Variants in FAM13A observed in about 807,000 individuals in gnomAD.
The protein encoded by FAM13A is family with sequence similarity 13 member A.
Under a neutral mutation model 129.6 loss-of-function variants are expected in FAM13A, and 76 were observed. That is an observed-to-expected ratio of 0.59 (90% CI 0.49 to 0.71). The LOEUF is 0.71. Among genes scored for constraint, FAM13A ranks in the 30% least tolerant of loss-of-function variants. The pLI, the probability that FAM13A is intolerant of heterozygous loss-of-function variation, is 0.00. For synonymous variants in FAM13A, 443 were observed against 449.9 expected, an observed-to-expected ratio of 0.98 and a Z score of 0.20; for missense variants, 1,108 against 1,249.3, an observed-to-expected ratio of 0.89 and a Z score of 1.70.
At chr4:88,961,233 A>T (rs915005513) in intron 4 of FAM13A, among the ~76,000 whole-genome samples, 3 of 152,072 alleles carry the variant, frequency 2.0e-5, no homozygotes, top group Non-Finnish European at 4.4e-5. Flanking sequence ...CAAAATACAC[A>T]TTTAAAAATA....
At chr4:88,945,992 A>ATGTATGTATGTG (rs200668381) in intron 4 of FAM13A, among the ~76,000 whole-genome samples, 1 of 11,234 alleles carries the variant, frequency 8.9e-5, no homozygotes, top group African/African-American at 2.1e-4. Context: ...GTGTGTGTGT[A>ATGTATGTATGTG]TATATATATA....
chr4:88,986,042 T>G (rs1164778506), intron 4 of FAM13A, among the ~76,000 whole-genome samples: 4 of 152,030 alleles, frequency 2.6e-5, no homozygotes, highest in Admixed American at 1.3e-4. Context: ...AATAAAAATG[T>G]TTTCCAAAGA....
rs554147407 is a variant in FAM13A at position 89,048,667 on chromosome 4, G to A, written c.27+8271C>T. Among the ~76,000 whole-genome samples the A allele has an allele frequency of 2.0e-4, 30 of 152,024 alleles. No homozygotes were observed. The East Asian group carries it at 3.1e-3, about 16-fold the overall frequency. ...TTCCCGTCAAAATAAGACTACTGTC[G>A]GTAGAAATAATATATTAATATTAAA... On this transcript the variant is annotated intron_variant, in intron 1 of 23. Coordinates refer to ENST00000264344, the MANE Select transcript of FAM13A (RefSeq NM_014883.4).
At chr4:88,940,206 A>G (rs1754524868) in intron 4 of FAM13A, among the ~76,000 whole-genome samples, 1 of 152,170 alleles carries the variant, frequency 6.6e-6, no homozygotes, top group African/African-American at 2.4e-5. Context: ...GGGCAGCATC[A>G]TAGAGAAGGC....
intron 4 of FAM13A, among the ~76,000 whole-genome samples, chr4:88,964,706 C>T (rs1759113676): frequency 6.7e-6 from 1 of 150,280 alleles, no homozygotes; most frequent in African/African-American, 2.5e-5. Flanking sequence ...TGGCTCACTG[C>T]AACGTCCACA....
chr4:89,055,490 T>C (rs775839314), intron 1 of FAM13A, among the ~76,000 whole-genome samples: 13 of 152,126 alleles, frequency 8.5e-5, no homozygotes, highest in Non-Finnish European at 1.8e-4. Flanking sequence ...TATACATGAG[T>C]CAGTGTGCAT....
At chr4:88,742,035 C>T (rs773578132) in intron 19 of FAM13A, among the ~76,000 whole-genome samples, 12 of 152,122 alleles carry the variant, frequency 7.9e-5, no homozygotes, top group African/African-American at 1.9e-4. Flanking sequence ...AATGTCAGCA[C>T]GTGACACATG....
intron 4 of FAM13A, among the ~76,000 whole-genome samples, chr4:88,955,988 A>G (rs2148895201): frequency 6.6e-6 from 1 of 152,334 alleles, no homozygotes; most frequent in Non-Finnish European, 1.5e-5. Context: ...AAGGAAAAAA[A>G]AATTTAAACA....
rs199936059 is a variant in FAM13A at position 88,945,990 on chromosome 4, GTATATA to G, written c.606-7755_606-7750del. Among the ~76,000 whole-genome samples the G allele has an allele frequency of 2.2e-3, 139 of 61,962 alleles. 2 individuals carry two copies. Among genetic ancestry groups the G allele is most frequent in the Middle Eastern group, 0.01 (1 of 100 alleles). 40.6% of individuals were successfully genotyped at this position (61,962 alleles called of 152,430 possible). On this transcript the variant is annotated intron_variant, in intron 4 of 23. Transcript: ENST00000264344. ...TGTGTGTGTGTGTGTGTGTGTGTGT[GTATATA>G]TATATATATATATATATATATATAT...
chr4:88,917,791 A>T (rs879238334), intron 5 of FAM13A, among the ~76,000 whole-genome samples: 1 of 152,148 alleles, frequency 6.6e-6, no homozygotes, highest in East Asian at 1.9e-4. Flanking sequence ...TTGGAGGAAG[A>T]TGTATTTTTA....
intron 11 of FAM13A, among the ~76,000 whole-genome samples, chr4:88,770,213 TAAA>T (rs1720365831): frequency 6.6e-6 from 1 of 152,234 alleles, no homozygotes. Flanking sequence ...GAGGCCTTTA[TAAA>T]ATGGCTCCCA....
At chr4:88,731,677 CTT>C in intron 22 of FAM13A, 1 of 528,218 alleles carries the variant, frequency 1.9e-6, no homozygotes, top group Non-Finnish European at 3.3e-6. Context: ...TCCCATGGCA[CTT>C]TGTCATATTT....
intron 1 of FAM13A, among the ~76,000 whole-genome samples, chr4:89,051,562 C>A (rs1335387561): frequency 1.3e-5 from 2 of 152,162 alleles, no homozygotes; most frequent in Non-Finnish European, 2.9e-5. Flanking sequence ...TTAACTCACT[C>A]CAGCATCAAC....
intron 1 of FAM13A, among the ~76,000 whole-genome samples, chr4:89,041,306 T>C (rs1770087399): frequency 1.3e-5 from 2 of 152,180 alleles, no homozygotes; most frequent in African/African-American, 4.8e-5. Context: ...ACTTGATCAT[T>C]ACACAGCCAA....
intron 11 of FAM13A, among the ~76,000 whole-genome samples, chr4:88,778,884 T>A (rs1000601021): frequency 1.3e-5 from 2 of 152,176 alleles, no homozygotes; most frequent in African/African-American, 2.4e-5. Flanking sequence ...AACAATTGCC[T>A]CAGAGCCCTT....
intron 21 of FAM13A, 92 bp downstream of exon 21, chr4:88,737,380 C>G: frequency 1.4e-5 from 15 of 1,092,362 alleles, no homozygotes; most frequent in Non-Finnish European, 2.1e-5. Flanking sequence ...CCAAAAGGCC[C>G]GATCACACCC....
At chr4:88,922,434 C>A (rs901215269) in intron 5 of FAM13A, among the ~76,000 whole-genome samples, 1 of 152,086 alleles carries the variant, frequency 6.6e-6, no homozygotes, top group African/African-American at 2.4e-5. Flanking sequence ...AACTGAACAA[C>A]CTGCTCCTGA....
intron 4 of FAM13A, among the ~76,000 whole-genome samples, chr4:88,938,947 A>G (rs1754287453): frequency 6.6e-6 from 1 of 152,196 alleles, no homozygotes; most frequent in South Asian, 2.1e-4. Flanking sequence ...GAGACAAAAG[A>G]CATGAGTTGG....
rs902744489 is a variant in FAM13A at position 88,852,554 on chromosome 4, T to C, written c.844-1371A>G. Among the ~76,000 whole-genome samples the C allele has an allele frequency of 2.0e-5, 3 of 152,340 alleles. No individual in the cohort carries two copies. The East Asian group carries it at 5.8e-4, about 29-fold the overall frequency. On this transcript the variant is annotated intron_variant, in intron 6 of 23. Coordinates refer to ENST00000264344, the MANE Select transcript of FAM13A (RefSeq NM_014883.4). ...CTTGATTACACATTGCCTGATACTT[T>C]AATCTAAGTTTTCTCATGTTTCTAG...
Sources: gnomAD v4.1 joint callset for allele counts (sites outside exome capture counted in the v4.1 genomes callset) on GRCh38, gnomAD v4.1.1 for gene constraint, MANE v1.5 for transcripts, NCBI Gene and HGNC (gene_info 2026-07-23, HGNC 2026-07-21) for gene names.